MEP1A: variants seen among roughly 807,000 people sequenced by gnomAD.
MEP1A encodes the protein N-benzoyl-L-tyrosyl-P-amino-benzoic acid hydrolase subunit alpha.
MEP1A carries 68 observed loss-of-function variants against 84.5 expected under a neutral mutation model. That is an observed-to-expected ratio of 0.80 (90% CI 0.66 to 0.98). The LOEUF is 0.98. MEP1A is among the 50% of genes least tolerant of loss of function. The pLI is 0.00. For synonymous variants in MEP1A, 337 were observed against 336.8 expected (o/e 1.00, Z -0.01); for missense variants, 887 against 919.9 (o/e 0.96, Z 0.46).
the MEP1A span, among the ~76,000 whole-genome samples, chr6:46,845,477 G>A: frequency 2.6e-4 from 40 of 152,294 alleles, no homozygotes; most frequent in Middle Eastern, 3.4e-3. Context: ...TTAAGTCACC[G>A]TTATTTTGAA....
At position 46,816,233 on chromosome 6, in the gene MEP1A, A is replaced by G. The variant is rs191708790; in HGVS notation, c.381-3296A>G. On this transcript the variant is annotated intron_variant, in intron 6 of 13. Transcript: ENST00000230588. ...GATTACAGGCGTGAGCCACCATTACAGGCATGAGCCACCGCGCCCGGCCTC... is the reference window on the plus strand; with the variant it reads ...GATTACAGGCGTGAGCCACCATTACGGGCATGAGCCACCGCGCCCGGCCTC... 5.8e-3 allele frequency among the ~76,000 whole-genome samples: 877 copies of G among 152,260 alleles called. 6 individuals carry two copies. Among genetic ancestry groups the G allele is most frequent in the Non-Finnish European group, 6.2e-3 (422 of 68,016 alleles).
chr6:46,839,014 G>A lies in MEP1A; in HGVS notation c.2119G>A (p.Glu707Lys), dbSNP rs1287678818. 6.2e-7 allele frequency: 1 copy of A among 1,613,616 alleles called. No individual in the cohort carries two copies. The highest frequency in any genetic ancestry group is 8.5e-7 in the Non-Finnish European group (1 of 1,179,734). ...TGGACATGCTTTCTTCTACACGGGGGAGCGCTGTCAGGCCGTGCAGGTGCA... is the reference window on the plus strand; with the variant it reads ...TGGACATGCTTTCTTCTACACGGGGAAGCGCTGTCAGGCCGTGCAGGTGCA... ...ISGHAFFYTGERCQAVQVHGS... is the reference protein window; with the variant it reads ...ISGHAFFYTGKRCQAVQVHGS... The change falls in exon 14 of 14, where the codon GAG (glutamate) becomes AAG (lysine). Residue 707 changes from glutamate (E) to lysine (K), a missense_variant. By Grantham distance (56) the Glu-to-Lys change is moderately conservative (BLOSUM62 1). Coordinates refer to ENST00000230588, the MANE Select transcript of MEP1A (RefSeq NM_005588.3).
Position 46,838,168 on chromosome 6 carries a change from C to T in MEP1A, c.2085-812C>T, listed in dbSNP as rs1190180377. Among the ~76,000 whole-genome samples, 3 of 151,798 alleles carry T rather than the reference C, an allele frequency of 2.0e-5. No homozygotes were observed. The East Asian group carries it at 5.8e-4, about 29-fold the overall frequency. On this transcript the variant is annotated intron_variant, in intron 13 of 13. Coordinates refer to ENST00000230588, the MANE Select transcript of MEP1A (RefSeq NM_005588.3). ...CCGGCCTCCCAAAGTGCTGGTATTA[C>T]AGGCGTATGCCACCATGCCCAACCA...
downstream of MEP1A, among the ~76,000 whole-genome samples, chr6:46,842,372 G>A (rs977613391): frequency 1.3e-5 from 2 of 152,246 alleles, no homozygotes; most frequent in Middle Eastern, 3.4e-3. Flanking sequence ...GAGAGATATC[G>A]CTGAATTCTT....
chr6:46,844,167 A>G (rs1768378658), downstream of MEP1A, among the ~76,000 whole-genome samples: 1 of 152,236 alleles, frequency 6.6e-6, no homozygotes, highest in South Asian at 2.1e-4. Flanking sequence ...AAAAGTTTGA[A>G]AAGATTTATA....
At chr6:46,794,374 C>T (rs1031440752) in intron 3 of MEP1A, among the ~76,000 whole-genome samples, 1 of 152,170 alleles carries the variant, frequency 6.6e-6, no homozygotes. Context: ...TTTACAAAAG[C>T]TTTTATATGC....
intron 3 of MEP1A, among the ~76,000 whole-genome samples, chr6:46,797,790 TTCTC>T (rs766618838): frequency 7.5e-5 from 9 of 120,734 alleles, no homozygotes; most frequent in East Asian, 5.9e-4. Flanking sequence ...CTTTCTTTCT[TTCTC>T]TTTCTTTCTT....
chr6:46,842,022 C>A (rs1415996067), downstream of MEP1A, among the ~76,000 whole-genome samples: 2 of 152,176 alleles, frequency 1.3e-5, no homozygotes, highest in Non-Finnish European at 2.9e-5. Context: ...GTCTTTACTG[C>A]AATCTCTGAA....
chr6:46,804,453 AC>A (rs1427732488), intron 5 of MEP1A, among the ~76,000 whole-genome samples: 8 of 151,724 alleles, frequency 5.3e-5, no homozygotes, highest in Non-Finnish European at 1.0e-4. Context: ...ATTACAATTA[AC>A]AGTTTTATTT....
In MEP1A at chr6:46,825,498, G is replaced by T; in HGVS notation, c.778+5G>T. 6.3e-7 allele frequency: 1 copy of T among 1,593,564 alleles called. No homozygotes were observed. The highest frequency in any genetic ancestry group is 8.6e-7 in the Non-Finnish European group (1 of 1,164,218). ...TGAACCGAATGTACAATTGCAGTGAGTATCTCAGTTTCTGAGAACTTGGTA... is the reference window on the plus strand; with the variant it reads ...TGAACCGAATGTACAATTGCAGTGATTATCTCAGTTTCTGAGAACTTGGTA... On this transcript the variant is annotated splice_donor_5th_base_variant and intron_variant, in intron 8 of 13. Transcript: ENST00000230588.
chr6:46,798,013 G>A (rs1345736586), intron 3 of MEP1A, among the ~76,000 whole-genome samples: 1 of 150,254 alleles, frequency 6.7e-6, no homozygotes, highest in Non-Finnish European at 1.5e-5. Flanking sequence ...TGTCACCCAG[G>A]CTGGAGTGCA....
At chr6:46,814,067 T>TCACA (rs2150747121) in intron 6 of MEP1A, among the ~76,000 whole-genome samples, 1 of 152,304 alleles carries the variant, frequency 6.6e-6, no homozygotes, top group East Asian at 1.9e-4. Context: ...CCAGGTGTTC[T>TCACA]TTGAGATTCT....
rs766263357 is a variant in MEP1A, at chr6:46,799,144, G to A, written c.225G>A (p.Trp75Ter). The A allele has an allele frequency of 6.2e-7, 1 of 1,613,298 alleles. No homozygotes were observed. The change falls in exon 5 of 14, where the codon TGG (tryptophan) becomes TGA (stop). Residue 75 changes from tryptophan (W) to a stop codon, truncating the protein, a stop_gained. Transcript: ENST00000230588. LOFTEE classifies it high-confidence loss of function. ...RNGLRDPNTR[W>*]TFPIPYILAD... ...GCCTGAGAGACCCAAACACCAGGTG[G>A]ACGTTCCCCATTCCTTACATCTTGG...
intron 5 of MEP1A, among the ~76,000 whole-genome samples, chr6:46,804,093 A>G (rs932857192): frequency 5.3e-5 from 8 of 151,602 alleles, no homozygotes; most frequent in African/African-American, 1.7e-4. Context: ...TTACTTTTAC[A>G]CTTGAAATTT....
downstream of MEP1A, chr6:46,839,887 T>C (rs1768302769): frequency 6.6e-6 from 1 of 152,148 alleles, no homozygotes; most frequent in Non-Finnish European, 1.5e-5. Context: ...ATAGCATATT[T>C]TATAGCTATT....
At chr6:46,845,885 C>T in the MEP1A span, among the ~76,000 whole-genome samples, 1 of 151,992 alleles carries the variant, frequency 6.6e-6, no homozygotes, top group African/African-American at 2.4e-5. Flanking sequence ...ACTGAGAAAG[C>T]CTTAATTAAC....
chr6:46,825,357 C>G lies in MEP1A; in HGVS notation c.642C>G (p.Tyr214Ter), dbSNP rs1767914581. The change falls in exon 8 of 14, where the codon TAC becomes TAG. Residue 214 changes from tyrosine to a stop codon, truncating the protein, a stop_gained. Coordinates refer to ENST00000230588, the MANE Select transcript of MEP1A (RefSeq NM_005588.3). LOFTEE classifies it high-confidence loss of function. ...TPYDYESLMH[Y>*]QPFSFNKNAS... is the part of the protein sequence containing the mutation. ...ATGATTATGAGTCTTTGATGCACTA[C>G]CAGCCTTTCTCATTTAACAAGAATG... is the stretch of plus-strand genomic sequence containing the variant. 6.2e-7 allele frequency: 1 copy of G among 1,613,350 alleles called. No individual in the cohort carries two copies. The highest frequency in any genetic ancestry group is 8.5e-7 in the Non-Finnish European group (1 of 1,179,492).
At chr6:46,838,945 A>G (rs1768275634) in intron 13 of MEP1A, 35 bp from the exon 14 acceptor site, 4 of 1,584,520 alleles carry the variant, frequency 2.5e-6, no homozygotes, top group East Asian at 2.3e-5. Context: ...AGGCCTGGGT[A>G]GTTCCCACAC....
intron 6 of MEP1A, among the ~76,000 whole-genome samples, chr6:46,810,720 G>A (rs931126211): frequency 6.6e-6 from 1 of 152,094 alleles, no homozygotes; most frequent in African/African-American, 2.4e-5. Context: ...TTATTGAATA[G>A]GATGTCATTT....
Sources: allele counts gnomAD v4.1 joint callset (sites outside exome capture counted in the v4.1 genomes callset), GRCh38; gene constraint gnomAD v4.1.1; transcripts MANE v1.5; gene names NCBI Gene and HGNC (gene_info 2026-07-23, HGNC 2026-07-21).